EDC4: variants seen among roughly 807,000 people sequenced by gnomAD.
The protein encoded by EDC4 is enhancer of mRNA decapping 4.
Under a neutral mutation model 155.8 loss-of-function variants are expected in EDC4, and 64 were observed. The ratio of observed to expected loss-of-function variants is 0.41; its 90% CI spans 0.34 to 0.51. EDC4 has a LOEUF of 0.51. Among genes scored for constraint, EDC4 ranks in the 20% least tolerant of loss-of-function variants. The pLI, the probability that EDC4 is intolerant of heterozygous loss-of-function variation, is 0.19. For synonymous variants in EDC4, 684 were observed against 716.8 expected (o/e 0.95, Z 0.73); for missense variants, 1,303 against 1,812.5 (o/e 0.72, Z 5.10).
At position 67,881,573 on chromosome 16, in the gene EDC4, C is replaced by G; in HGVS notation, c.2826+40C>G. 6.2e-7 allele frequency: 1 copy of G among 1,613,400 alleles called. No individual in the cohort carries two copies. The highest frequency in any genetic ancestry group is 8.5e-7 in the Non-Finnish European group (1 of 1,179,922). ...CCACTTTGTACTTGTGGAACTTCAC[C>G]CTGGGCGGGTGGAGAAGGGCTCTGG... On this transcript the variant is annotated intron_variant, in intron 21 of 28. Coordinates refer to ENST00000358933, the MANE Select transcript of EDC4 (RefSeq NM_014329.5). This position sits in a 1 kb window ranked among gnomAD's most constrained non-coding sequence, Gnocchi z 5.4.
chr16:67,883,268 C>A lies in EDC4; in HGVS notation c.3849+91C>A. ...TCTACTCCACCCACCACCTTTGCAC[C>A]TTCTGGCCCCAGCAGACTGTTCTTG... On this transcript the variant is annotated intron_variant, in intron 27 of 28. Coordinates refer to ENST00000358933, the MANE Select transcript of EDC4 (RefSeq NM_014329.5). This position sits in a 1 kb window ranked among gnomAD's most constrained non-coding sequence, Gnocchi z 5.3. 1 of 1,468,462 alleles carries A rather than the reference C, an allele frequency of 6.8e-7. No homozygotes were observed. The highest frequency in any genetic ancestry group is 9.0e-7 in the Non-Finnish European group (1 of 1,107,362). The allele number at this position is 1,468,462 out of a possible 1,614,324, so 91.0% of individuals were successfully genotyped here.
chr16:67,878,121 C>T lies in EDC4; in HGVS notation c.895-45C>T, dbSNP rs1032266697. On this transcript the variant is annotated intron_variant, in intron 7 of 28. Coordinates refer to ENST00000358933, the MANE Select transcript of EDC4 (RefSeq NM_014329.5). This position sits in a 1 kb window ranked among gnomAD's most constrained non-coding sequence, Gnocchi z 5.2. Reference sequence around the variant, plus strand: ...CATTGCCATCCTCACTTGGGAGGGGCTTGTTCTCACCTCTAGTCAGCAAAG... The same window carrying T: ...CATTGCCATCCTCACTTGGGAGGGGTTTGTTCTCACCTCTAGTCAGCAAAG... 7 of 1,612,414 alleles carry T rather than the reference C, an allele frequency of 4.3e-6. No homozygotes were observed. Among genetic ancestry groups the T allele is most frequent in the Non-Finnish European group, 5.9e-6 (7 of 1,179,178 alleles).
rs1338198481 is a variant in EDC4 at position 67,880,323 on chromosome 16, G to A, written c.2097+107G>A. ...CCCTGCTGCTGATCCTGCTCTACCCGACATGGTCCGTGTTTCCCTGAGGTC... is the reference window on the plus strand; with the variant it reads ...CCCTGCTGCTGATCCTGCTCTACCCAACATGGTCCGTGTTTCCCTGAGGTC... On this transcript the variant is annotated intron_variant, in intron 17 of 28. Transcript: ENST00000358933. The surrounding 1 kb of genome is among the most constrained non-coding windows in gnomAD (Gnocchi z 5.2). 8.2e-6 allele frequency: 12 copies of A among 1,471,436 alleles called. No homozygotes were observed. The highest frequency in any genetic ancestry group is 2.5e-4 in the Middle Eastern group (1 of 3,952). The allele number at this position is 1,471,436 out of a possible 1,614,324, so 91.1% of individuals were successfully genotyped here. A position where few individuals can be genotyped will look rare whatever the true frequency, so the allele number is the denominator to read the frequency against.
In EDC4 at chr16:67,883,108, C is replaced by G; in HGVS notation, c.3780C>G (p.Asp1260Glu). Residue 1260 changes from aspartate to glutamate, a missense_variant, in exon 27 of 29, where the codon GAC becomes GAG. Around this residue, in one of 5 missense-constraint regions of EDC4, gnomAD observed 527 missense variants for 757.0 expected, o/e 0.70. Transcript: ENST00000358933. The surrounding 1 kb of genome is among the most constrained non-coding windows in gnomAD (Gnocchi z 5.3). ...AGTPVPSAHLDCQAQQAHILQ... is the reference protein window; with the variant it reads ...AGTPVPSAHLECQAQQAHILQ... ...CACCTGTCCCCTCTGCCCACCTTGA[C>G]TGCCAGGCCCAGCAAGCCCATATCC... 1 of 1,610,920 alleles carries G rather than the reference C, an allele frequency of 6.2e-7. No individual in the cohort carries two copies. The highest frequency in any genetic ancestry group is 1.1e-5 in the South Asian group (1 of 90,774).
At position 67,882,924 on chromosome 16, in the gene EDC4, C is replaced by T. The variant is rs1473478837; in HGVS notation, c.3630-34C>T. Reference sequence around the variant, plus strand: ...CTTGAGAAAGGCCAGACTAGGCTCCCTGTCCACTTCACCTCACTCACTTCC... The same window carrying T: ...CTTGAGAAAGGCCAGACTAGGCTCCTTGTCCACTTCACCTCACTCACTTCC... On this transcript the variant is annotated intron_variant, in intron 26 of 28. Transcript: ENST00000358933. The surrounding 1 kb of genome is among the most constrained non-coding windows in gnomAD (Gnocchi z 7.2). The T allele has an allele frequency of 1.2e-6, 2 of 1,613,908 alleles. No individual in the cohort carries two copies. The highest frequency in any genetic ancestry group is 1.7e-6 in the Non-Finnish European group (2 of 1,179,804).
chr16:67,882,891 G>A lies in EDC4; in HGVS notation c.3629+26G>A. 6.2e-7 allele frequency: 1 copy of A among 1,614,122 alleles called. No homozygotes were observed. The highest frequency in any genetic ancestry group is 8.5e-7 in the Non-Finnish European group (1 of 1,179,972). ...GTGTGTGGGCAGAGTACTGGGCAAG[G>A]TGGTGGGCTTGAGAAAGGCCAGACT... On this transcript the variant is annotated intron_variant, in intron 26 of 28. Coordinates refer to ENST00000358933, the MANE Select transcript of EDC4 (RefSeq NM_014329.5). This position sits in a 1 kb window ranked among gnomAD's most constrained non-coding sequence, Gnocchi z 7.2.
At position 67,878,652 on chromosome 16, in the gene EDC4, T is replaced by G; in HGVS notation, c.1184+21T>G. ...ATTCGGTAAGCAGTGGCTGGAAGGC[T>G]GGGGGACTGGGCAGGGGCGGCAGGG... On this transcript the variant is annotated intron_variant, in intron 10 of 28. Coordinates refer to ENST00000358933, the MANE Select transcript of EDC4 (RefSeq NM_014329.5). The surrounding 1 kb of genome is among the most constrained non-coding windows in gnomAD (Gnocchi z 5.2). 1 of 1,614,148 alleles carries G rather than the reference T, an allele frequency of 6.2e-7. No individual in the cohort carries two copies. Among genetic ancestry groups the G allele is most frequent in the Non-Finnish European group, 8.5e-7 (1 of 1,180,024 alleles).
chr16:67,881,436 G>C lies in EDC4; in HGVS notation c.2789+19G>C. 1 of 1,614,096 alleles carries C rather than the reference G, an allele frequency of 6.2e-7. No individual in the cohort carries two copies. The highest frequency in any genetic ancestry group is 8.5e-7 in the Non-Finnish European group (1 of 1,179,964). On this transcript the variant is annotated intron_variant, in intron 20 of 28. Transcript: ENST00000358933. The surrounding 1 kb of genome is among the most constrained non-coding windows in gnomAD (Gnocchi z 5.4). Reference sequence around the variant, plus strand: ...ATGATGGGTAGGGAGAAATCCTAGGGAGGGAGAGGGTGGTCTCTAGGCTGC... The same window carrying C: ...ATGATGGGTAGGGAGAAATCCTAGGCAGGGAGAGGGTGGTCTCTAGGCTGC...
chr16:67,874,711 A>G (rs1377995504), intron 1 of EDC4, among the ~76,000 whole-genome samples: 1 of 152,164 alleles, frequency 6.6e-6, no homozygotes, highest in East Asian at 1.9e-4. Context: ...TACTTTGTTT[A>G]TTGATTGGCA....
chr16:67,876,344 G>A lies in EDC4; in HGVS notation c.240-144G>A. 5 of 1,354,236 alleles carry A rather than the reference G, an allele frequency of 3.7e-6. No homozygotes were observed. Among genetic ancestry groups the A allele is most frequent in the Non-Finnish European group, 4.9e-6 (5 of 1,011,424 alleles). The allele number at this position is 1,354,236 out of a possible 1,614,324, so 83.9% of individuals were successfully genotyped here. A position where few individuals can be genotyped will look rare whatever the true frequency, so the allele number is the denominator to read the frequency against. On this transcript the variant is annotated intron_variant, in intron 2 of 28. Transcript: ENST00000358933. This position sits in a 1 kb window ranked among gnomAD's most constrained non-coding sequence, Gnocchi z 5.8. The stretch of plus-strand genomic sequence containing the variant: ...AGGAAGGAGATGAGCAAGCAGAGCT[G>A]TGGGTCTGGGGCCAGTGGACCAGGC...
rs879181576 is a variant in EDC4 at position 67,880,843 on chromosome 16, T to A, written c.2384T>A (p.Leu795His). Residue 795 changes from leucine (L) to histidine (H), a missense_variant, in exon 18 of 29, where the codon CTT becomes CAT. Around this residue, in one of 5 missense-constraint regions of EDC4, gnomAD observed 391 missense variants for 445.4 expected, o/e 0.88. Transcript: ENST00000358933. The surrounding 1 kb of genome is among the most constrained non-coding windows in gnomAD (Gnocchi z 5.2). ...PGPELGPQLGLDGGPGDGDRH... is the reference protein window; with the variant it reads ...PGPELGPQLGHDGGPGDGDRH... ...CCCGAGCTCGGCCCCCAGCTCGGGC[T>A]TGATGGAGGCCCTGGGGATGGAGAT... The A allele has an allele frequency of 1.2e-6, 2 of 1,613,784 alleles. No individual in the cohort carries two copies. Among genetic ancestry groups the A allele is most frequent in the African/African-American group, 2.7e-5 (2 of 74,886 alleles).
chr16:67,879,415 A>G lies in EDC4; in HGVS notation c.1545A>G (p.Ala515=). The G allele has an allele frequency of 6.2e-7, 1 of 1,614,148 alleles. No individual in the cohort carries two copies. The highest frequency in any genetic ancestry group is 8.5e-7 in the Non-Finnish European group (1 of 1,180,022). ...LIKLFCVHTK[A]LQDVQIRFQP... ...TCTCCCCCTTCTTTTCCTGCAGGGCACTGCAAGATGTGCAGATCCGCTTCC... is the reference window on the plus strand; with the variant it reads ...TCTCCCCCTTCTTTTCCTGCAGGGCGCTGCAAGATGTGCAGATCCGCTTCC... The change falls in exon 14 of 29, where the codon GCA becomes GCG. Residue 515 remains alanine, a synonymous_variant. Coordinates refer to ENST00000358933, the MANE Select transcript of EDC4 (RefSeq NM_014329.5). This position sits in a 1 kb window ranked among gnomAD's most constrained non-coding sequence, Gnocchi z 6.0.
rs2058084171 is a variant in EDC4 at position 67,884,370 on chromosome 16, G to A, written c.*222G>A. The A allele has an allele frequency of 1.6e-5, 9 of 559,620 alleles. No homozygotes were observed. The South Asian group carries it at 2.2e-4, about 14-fold the overall frequency. The allele number at this position is 559,620 out of a possible 1,614,324, so 34.7% of individuals were successfully genotyped here. On this transcript the variant is annotated 3_prime_UTR_variant, in exon 29 of 29. Transcript: ENST00000358933. This position sits in a 1 kb window ranked among gnomAD's most constrained non-coding sequence, Gnocchi z 4.1. ...ATTGCGCCTGCTTGGGTTCTGCCAT[G>A]CCTGGAGCATGACCCTGAGATCGTG...
At position 67,880,395 on chromosome 16, in the gene EDC4, G is replaced by A; in HGVS notation, c.2098-162G>A. ...TGGTGGGTGTCTCCTCAGCCTCCCT[G>A]TCCCCACCTCCTCTTCTTGGCTGTG... is the stretch of plus-strand genomic sequence containing the variant. On this transcript the variant is annotated intron_variant, in intron 17 of 28. Transcript: ENST00000358933. The surrounding 1 kb of genome is among the most constrained non-coding windows in gnomAD (Gnocchi z 5.2). 6 of 1,338,728 alleles carry A rather than the reference G, an allele frequency of 4.5e-6. No homozygotes were observed. Among genetic ancestry groups the A allele is most frequent in the Non-Finnish European group, 4.1e-6 (4 of 982,844 alleles). The allele number at this position is 1,338,728 out of a possible 1,614,324, so 82.9% of individuals were successfully genotyped here.
Position 67,877,544 on chromosome 16 carries a change from G to A in EDC4, c.677G>A (p.Gly226Asp), listed in dbSNP as rs751438933. The stretch of plus-strand genomic sequence containing the variant: ...TTGGTCCATATTCGGCAGCCAGAGG[G>A]CACGCCACTGAACCACTTTCGCAGG... ...EILVHIRQPE[G>D]TPLNHFRRII... Residue 226 changes from glycine to aspartate, a missense_variant, in exon 6 of 29, where the codon GGC becomes GAC. By Grantham distance (94) the Gly-to-Asp change is moderately conservative (BLOSUM62 -1). This residue lies in a region of EDC4 where 235 missense variants were observed against 367.7 expected (regional missense o/e 0.64). Coordinates refer to ENST00000358933, the MANE Select transcript of EDC4 (RefSeq NM_014329.5). This position sits in a 1 kb window ranked among gnomAD's most constrained non-coding sequence, Gnocchi z 4.9. 6.2e-6 allele frequency: 10 copies of A among 1,614,066 alleles called. No homozygotes were observed. The highest frequency in any genetic ancestry group is 8.5e-6 in the Non-Finnish European group (10 of 1,180,046).
chr16:67,877,318 G>A lies in EDC4; in HGVS notation c.553G>A (p.Ala185Thr), dbSNP rs375074441. The A allele has an allele frequency of 4.0e-5, 65 of 1,614,020 alleles. No individual in the cohort carries two copies. Among genetic ancestry groups the A allele is most frequent in the East Asian group, 1.1e-4 (5 of 44,886 alleles). The change falls in exon 5 of 29, where the codon GCG becomes ACG. Residue 185 changes from alanine to threonine, a missense_variant. Ala to Thr is a moderately conservative substitution (Grantham distance 58, BLOSUM62 0). This residue lies in a region of EDC4 where 235 missense variants were observed against 367.7 expected (regional missense o/e 0.64). Transcript: ENST00000358933. This position sits in a 1 kb window ranked among gnomAD's most constrained non-coding sequence, Gnocchi z 4.9. ...FTGSVADLAF[A>T]HLNSPQLACL... ...AGGCAGTGTGGCTGATCTGGCTTTC[G>A]CGCACCTCAACTCTCCACAGCTGGC...
chr16:67,874,786 C>T (rs2058035186), intron 1 of EDC4, among the ~76,000 whole-genome samples: 2 of 152,196 alleles, frequency 1.3e-5, no homozygotes, highest in South Asian at 2.1e-4. Flanking sequence ...CAGGTCAGAA[C>T]TCAGACTATT....
chr16:67,873,243 G>T lies in EDC4; in HGVS notation c.-19G>T. The T allele has an allele frequency of 7.2e-7, 1 of 1,387,220 alleles. No homozygotes were observed. Among genetic ancestry groups the T allele is most frequent in the Admixed American group, 3.8e-5 (1 of 26,544 alleles). The allele number at this position is 1,387,220 out of a possible 1,614,324, so 85.9% of individuals were successfully genotyped here. A position where few individuals can be genotyped will look rare whatever the true frequency, so the allele number is the denominator to read the frequency against. On this transcript the variant is annotated 5_prime_UTR_variant, in exon 1 of 29. Transcript: ENST00000358933. ...GGCGGAACGAACGCGGTGCGGGCGG[G>T]GCGCCCGCCGCAGGGCCCATGGCCT... is the stretch of plus-strand genomic sequence containing the variant.
intron 1 of EDC4, among the ~76,000 whole-genome samples, chr16:67,873,613 T>A (rs1473280036): frequency 6.6e-6 from 1 of 152,164 alleles, no homozygotes; most frequent in Non-Finnish European, 1.5e-5. Flanking sequence ...CCCTCTGGTT[T>A]CCTGGCCCCG....
Sources: allele counts gnomAD v4.1 joint callset (sites outside exome capture counted in the v4.1 genomes callset), GRCh38; gene constraint gnomAD v4.1.1; regional missense constraint gnomAD v4.1.1; non-coding constraint Gnocchi (gnomAD v3.1); transcripts MANE v1.5; gene names NCBI Gene and HGNC (gene_info 2026-07-23, HGNC 2026-07-21).